CATSPERD: variants seen among roughly 807,000 people sequenced by gnomAD.
CATSPERD encodes cation channel sperm-associated auxiliary subunit delta.
CATSPERD carries 86 observed loss-of-function variants against 98.1 expected under a neutral mutation model. The ratio of observed to expected loss-of-function variants is 0.88; its 90% CI spans 0.74 to 1.05. The LOEUF is 1.05. Among genes scored for constraint, CATSPERD ranks in the 50% least tolerant of loss-of-function variants. CATSPERD has a pLI of 0.00. For synonymous variants in CATSPERD, 394 were observed against 390.2 expected, an observed-to-expected ratio of 1.01 and a Z score of -0.12; for missense variants, 995 against 1,005.7, an observed-to-expected ratio of 0.99 and a Z score of 0.14.
chr19:5,752,396 C>T (rs1168699026), intron 12 of CATSPERD, among the ~76,000 whole-genome samples: 1 of 152,024 alleles, frequency 6.6e-6, no homozygotes, highest in Non-Finnish European at 1.5e-5. Flanking sequence ...ATCACTTGAG[C>T]CCAGGAGTTC....
At chr19:5,765,422 ATTCATTCATTC>A (rs2056519431) in intron 16 of CATSPERD, among the ~76,000 whole-genome samples, 1 of 32,108 alleles carries the variant, frequency 3.1e-5, no homozygotes, top group East Asian at 7.2e-4. Context: ...TCATTCATTC[ATTCATTCATTC>A]ATTCATTCAT....
Position 5,720,717 on chromosome 19 carries a change from T to A in CATSPERD, c.-21T>A. ...CCCCGTGGCGGTTGAGGGGCAGTGG[T>A]GGCGGCGGAAGCCCAAGTCGATGCT... On this transcript the variant is annotated 5_prime_UTR_variant, in exon 1 of 22. Coordinates refer to ENST00000381624, the MANE Select transcript of CATSPERD (RefSeq NM_152784.4). The A allele has an allele frequency of 6.2e-7, 1 of 1,603,948 alleles. No homozygotes were observed. The highest frequency in any genetic ancestry group is 8.5e-7 in the Non-Finnish European group (1 of 1,178,436).
intron 8 of CATSPERD, 138 bp from the exon 9 acceptor site, chr19:5,745,775 G>A (rs997719471): frequency 1.4e-6 from 1 of 710,684 alleles, no homozygotes; most frequent in African/African-American, 2.1e-5. Flanking sequence ...AATAAAAAAA[G>A]AAAGGCAGAC....
rs1352271003 is a variant in CATSPERD, at chr19:5,757,913, G to A, written c.1349G>A (p.Gly450Glu). 6.2e-7 allele frequency: 1 copy of A among 1,612,422 alleles called. No homozygotes were observed. Among genetic ancestry groups the A allele is most frequent in the Non-Finnish European group, 8.5e-7 (1 of 1,179,532 alleles). ...TACGAGAACGGTTACACATCAGATG[G>A]GAACACCAAGTACAAACTGGTGAGC... is the stretch of plus-strand genomic sequence containing the variant. ...TFYENGYTSD[G>E]NTKYKLDIFL... is the part of the protein sequence containing the mutation. The change falls in exon 14 of 22, where the codon GGG becomes GAG. Residue 450 changes from glycine (G) to glutamate (E), a missense_variant. Physicochemically the swap from Gly to Glu is moderately conservative, Grantham distance 98. This residue lies in a region of CATSPERD where 762 missense variants were observed against 773.7 expected (regional missense o/e 0.98). Coordinates refer to ENST00000381624, the MANE Select transcript of CATSPERD (RefSeq NM_152784.4).
At chr19:5,776,439 C>A in intron 21 of CATSPERD, 124 bp downstream of exon 21, 1 of 1,047,856 alleles carries the variant, frequency 9.5e-7, no homozygotes, top group Non-Finnish European at 1.4e-6. Context: ...AGGCCGTCCC[C>A]AGGACAAGTG....
intron 14 of CATSPERD, 47 bp from the exon 15 acceptor site, chr19:5,759,039 A>T: frequency 6.4e-7 from 1 of 1,569,930 alleles, no homozygotes; most frequent in Non-Finnish European, 8.8e-7. Context: ...GGGGATGCCC[A>T]TGGTGTTCCA....
intron 11 of CATSPERD, among the ~76,000 whole-genome samples, chr19:5,750,332 T>C (rs1278136027): frequency 6.9e-6 from 1 of 144,736 alleles, no homozygotes; most frequent in East Asian, 2.2e-4. Context: ...GCACCTGTAG[T>C]CCCAGCTACT....
Position 5,769,713 on chromosome 19 carries a change from C to G in CATSPERD, c.1635-1231C>G, listed in dbSNP as rs184557566. Among the ~76,000 whole-genome samples, 361 of 152,246 alleles carry G rather than the reference C, an allele frequency of 2.4e-3. 1 individual carries two copies. Among genetic ancestry groups the G allele is most frequent in the Non-Finnish European group, 4.4e-3 (300 of 68,018 alleles). ...GTGACTTTGGAACCTGCGGAGGACA[C>G]AGAGGGGAGTGTCATCTTAGTCTAT... On this transcript the variant is annotated intron_variant, in intron 18 of 21. Transcript: ENST00000381624.
intron 16 of CATSPERD, among the ~76,000 whole-genome samples, chr19:5,764,019 T>C (rs1476869826): frequency 6.6e-6 from 1 of 150,878 alleles, no homozygotes; most frequent in Non-Finnish European, 1.5e-5. Context: ...CAGCTAATTT[T>C]TGTATTTTTA....
chr19:5,757,603 T>C (rs2056349205), intron 13 of CATSPERD, among the ~76,000 whole-genome samples: 1 of 136,402 alleles, frequency 7.3e-6, no homozygotes, highest in East Asian at 2.1e-4. Context: ...GGCCAAATTT[T>C]TTTTTTTTTT....
rs1180242643 is a variant in CATSPERD, at chr19:5,763,265, A to G, written c.1478A>G (p.Glu493Gly). 1.2e-6 allele frequency: 2 copies of G among 1,614,096 alleles called. No homozygotes were observed. The highest frequency in any genetic ancestry group is 2.2e-5 in the South Asian group (2 of 91,080). The part of the protein sequence containing the change: ...STLTVDIANK[E>G]ISCVDIKPLS... ...TTAACTGTGGACATAGCAAACAAGG[A>G]AATTTCATGTGTGGATATCAAGCCA... The change falls in exon 16 of 22, where the codon GAA becomes GGA. Residue 493 changes from glutamate to glycine, a missense_variant. By Grantham distance (98) the Glu-to-Gly change is moderately conservative (BLOSUM62 -2). Coordinates refer to ENST00000381624, the MANE Select transcript of CATSPERD (RefSeq NM_152784.4).
chr19:5,737,291 T>A (rs189696013), intron 6 of CATSPERD, 86 bp downstream of exon 6: 1 of 916,910 alleles, frequency 1.1e-6, no homozygotes, highest in East Asian at 2.6e-5. Context: ...CTGGGCGTGG[T>A]GGCTCATACC....
intron 3 of CATSPERD, among the ~76,000 whole-genome samples, chr19:5,727,903 A>T (rs967725248): frequency 4.0e-5 from 6 of 151,840 alleles, no homozygotes; most frequent in African/African-American, 1.5e-4. Flanking sequence ...CAAAAAGGGG[A>T]CTGGAGGCCA....
At chr19:5,747,165 T>G (rs1412883415) in intron 9 of CATSPERD, among the ~76,000 whole-genome samples, 1 of 144,114 alleles carries the variant, frequency 6.9e-6, no homozygotes, top group Non-Finnish European at 1.5e-5. Flanking sequence ...TCACAATGGT[T>G]TCCCTTTTTT....
intron 17 of CATSPERD, among the ~76,000 whole-genome samples, chr19:5,767,096 T>A (rs942855257): frequency 2.7e-5 from 4 of 150,844 alleles, no homozygotes; most frequent in African/African-American, 9.7e-5. Flanking sequence ...GGCGGGTGGA[T>A]CACGAGGTCA....
At chr19:5,727,631 G>T (rs754287311) in intron 3 of CATSPERD, among the ~76,000 whole-genome samples, 12 of 152,148 alleles carry the variant, frequency 7.9e-5, no homozygotes, top group Admixed American at 2.0e-4. Context: ...TTCCACTGGG[G>T]AGTTGATGAC....
chr19:5,758,397 GCTTCCAGAAGC>G (rs1285386726), intron 14 of CATSPERD, among the ~76,000 whole-genome samples: 1 of 152,020 alleles, frequency 6.6e-6, no homozygotes, highest in Non-Finnish European at 1.5e-5. Flanking sequence ...GTTTCTGTGA[GCTTCCAGAAGC>G]CTTTCACAGG....
chr19:5,765,000 T>C (rs935998570), intron 16 of CATSPERD, among the ~76,000 whole-genome samples: 21 of 151,900 alleles, frequency 1.4e-4, no homozygotes, highest in African/African-American at 4.8e-4. Flanking sequence ...AGCCTCAACC[T>C]TCTAGGCTCA....
At chr19:5,774,147 T>C (rs2056699416) in intron 20 of CATSPERD, among the ~76,000 whole-genome samples, 1 of 151,746 alleles carries the variant, frequency 6.6e-6, no homozygotes, top group Non-Finnish European at 1.5e-5. Context: ...TTTGTATTTT[T>C]AGTAGAGACG....
Sources: allele counts gnomAD v4.1 joint callset (sites outside exome capture counted in the v4.1 genomes callset), GRCh38; gene constraint gnomAD v4.1.1; regional missense constraint gnomAD v4.1.1; transcripts MANE v1.5; gene names NCBI Gene and HGNC (gene_info 2026-07-23, HGNC 2026-07-21).